FAT3: variants seen among roughly 807,000 people sequenced by gnomAD.
The protein encoded by FAT3 is FAT atypical cadherin 3, also known as protocadherin Fat 3.
In FAT3, 95 loss-of-function variants were observed where a neutral mutation model predicts 310.2. The observed-to-expected ratio is 0.31, with a 90% confidence interval of 0.26 to 0.36. The LOEUF is 0.36. FAT3 is among the 10% of genes least tolerant of loss of function. FAT3 has a pLI of 1.00. For synonymous variants in FAT3, 2,314 were observed against 2,192.9 expected (o/e 1.06, Z -1.54); for missense variants, 5,408 against 5,715.6 (o/e 0.95, Z 1.74).
chr11:92,756,248 T>C lies in FAT3; in HGVS notation c.3670-5608T>C, dbSNP rs550320226. ...CGTTTTTCTTGTACATACATACCTA[T>C]GACAAAGCTTAATTTATAAATTAGG... On this transcript the variant is annotated intron_variant, in intron 4 of 27. Transcript: ENST00000525166. Among the ~76,000 whole-genome samples, 10 of 152,338 alleles carry C rather than the reference T, an allele frequency of 6.6e-5. No homozygotes were observed. The East Asian group carries it at 1.9e-3, about 29-fold the overall frequency.
At chr11:92,615,310 G>A (rs951612141) in intron 3 of FAT3, among the ~76,000 whole-genome samples, 2 of 152,120 alleles carry the variant, frequency 1.3e-5, no homozygotes, top group African/African-American at 2.4e-5. Context: ...GCAGTGGCAC[G>A]ATCTTCGCTC....
chr11:92,808,455 G>T (rs1292529543), intron 12 of FAT3, among the ~76,000 whole-genome samples: 2 of 152,190 alleles, frequency 1.3e-5, no homozygotes, highest in African/African-American at 4.8e-5. Flanking sequence ...GCGCATCCAG[G>T]TAATGTCATA....
intron 3 of FAT3, among the ~76,000 whole-genome samples, chr11:92,578,052 T>C (rs951621894): frequency 6.6e-5 from 10 of 152,122 alleles, no homozygotes; most frequent in African/African-American, 2.4e-4. Flanking sequence ...AGTGTTCCTA[T>C]AGTATGCACA....
At chr11:92,739,079 C>A (rs1945432851) in intron 4 of FAT3, among the ~76,000 whole-genome samples, 1 of 152,086 alleles carries the variant, frequency 6.6e-6, no homozygotes, top group African/African-American at 2.4e-5. Context: ...CTTGGGCCAA[C>A]CTAGGGATCC....
rs758141755 is a variant in FAT3 at position 92,354,833 on chromosome 11, G to A, written c.2721G>A (p.Arg907=). Residue 907 remains arginine (R), a synonymous_variant, in exon 2 of 28, where the codon AGG becomes AGA. Coordinates refer to ENST00000525166, the MANE Select transcript of FAT3 (RefSeq NM_001367949.2). ...ATTATTCTTTGAAAATAGAAGCCAG[G>A]GACAAGGCAGAGAGTGGTCAGCAGC... is the stretch of plus-strand genomic sequence containing the variant. ...KANYSLKIEA[R]DKAESGQQLF... 3.1e-6 allele frequency: 5 copies of A among 1,613,684 alleles called. No homozygotes were observed. Among genetic ancestry groups the A allele is most frequent in the Non-Finnish European group, 4.2e-6 (5 of 1,179,844 alleles).
chr11:92,537,931 G>C (rs917232505), intron 3 of FAT3, among the ~76,000 whole-genome samples: 1 of 152,046 alleles, frequency 6.6e-6, no homozygotes, highest in Non-Finnish European at 1.5e-5. Context: ...GGGTAAGTGG[G>C]GGAGATATCA....
intron 4 of FAT3, among the ~76,000 whole-genome samples, chr11:92,708,390 A>G (rs979579695): frequency 3.3e-5 from 5 of 152,224 alleles, no homozygotes; most frequent in Non-Finnish European, 5.9e-5. Flanking sequence ...TTAATGCACA[A>G]GATATGGAGA....
At chr11:92,394,528 C>A (rs978529355) in intron 2 of FAT3, among the ~76,000 whole-genome samples, 28 of 152,120 alleles carry the variant, frequency 1.8e-4, no homozygotes, top group African/African-American at 6.8e-4. Flanking sequence ...TTTGGGGCAA[C>A]AAGCAAGAGG....
intron 3 of FAT3, among the ~76,000 whole-genome samples, chr11:92,548,780 AG>A (rs1188878319): frequency 6.6e-6 from 1 of 152,102 alleles, no homozygotes; most frequent in Non-Finnish European, 1.5e-5. Context: ...GAAGTGAGAG[AG>A]GGGGTATTTT....
rs1946532930 is a variant in FAT3, at chr11:92,774,165, T to C, written c.4320T>C (p.Asn1440=). The change falls in exon 7 of 28, where the codon AAT becomes AAC. Residue 1440 remains asparagine, a synonymous_variant. Coordinates refer to ENST00000525166, the MANE Select transcript of FAT3 (RefSeq NM_001367949.2). ...GTGTGGAAGTCACCGATGGGACAAA[T>C]GTTGCTGTTACTCAGGTGAGATGTT... The part of the protein sequence containing the change: ...NMSVEVTDGT[N]VAVTQVFIKV... 9.9e-6 allele frequency: 16 copies of C among 1,611,226 alleles called. No homozygotes were observed. Among genetic ancestry groups the C allele is most frequent in the Non-Finnish European group, 1.4e-5 (16 of 1,179,036 alleles).
At chr11:92,757,770 T>A (rs1348323780) in intron 4 of FAT3, among the ~76,000 whole-genome samples, 3 of 152,188 alleles carry the variant, frequency 2.0e-5, no homozygotes, top group African/African-American at 7.2e-5. Flanking sequence ...CAGAAAAGGA[T>A]GAAAAAGACA....
At chr11:92,375,285 C>T (rs1949309881) in intron 2 of FAT3, among the ~76,000 whole-genome samples, 1 of 151,926 alleles carries the variant, frequency 6.6e-6, no homozygotes, top group South Asian at 2.1e-4. Flanking sequence ...AGATGCATGC[C>T]ACCACCCTCA....
chr11:92,874,274 C>T (rs1949470483), intron 22 of FAT3, among the ~76,000 whole-genome samples: 1 of 152,158 alleles, frequency 6.6e-6, no homozygotes, highest in Admixed American at 6.5e-5. Context: ...TGTTTTATAA[C>T]AACATATGGT....
chr11:92,532,208 G>A (rs879908432), intron 3 of FAT3, among the ~76,000 whole-genome samples: 3 of 152,050 alleles, frequency 2.0e-5, no homozygotes, highest in Admixed American at 2.0e-4. Context: ...GAAATACCTA[G>A]AGGGAAGGAA....
intron 3 of FAT3, among the ~76,000 whole-genome samples, chr11:92,654,990 T>C (rs1024442428): frequency 6.6e-6 from 1 of 152,164 alleles, no homozygotes; most frequent in Admixed American, 6.5e-5. Context: ...CTCAAGGCAT[T>C]TGTAGCCCCA....
intron 1 of FAT3, among the ~76,000 whole-genome samples, chr11:92,316,070 T>C (rs1947453489): frequency 6.6e-6 from 1 of 152,034 alleles, no homozygotes; most frequent in South Asian, 2.1e-4. Flanking sequence ...CCAGTGATTA[T>C]ATGTTTTGGT....
At chr11:92,378,404 C>A (rs1949406696) in intron 2 of FAT3, among the ~76,000 whole-genome samples, 2 of 152,074 alleles carry the variant, frequency 1.3e-5, no homozygotes, top group South Asian at 4.1e-4. Context: ...GTCTTATAAG[C>A]CTATTATTGG....
At chr11:92,739,601 T>A (rs1379614180) in intron 4 of FAT3, among the ~76,000 whole-genome samples, 1 of 152,180 alleles carries the variant, frequency 6.6e-6, no homozygotes, top group Non-Finnish European at 1.5e-5. Flanking sequence ...GATATTAGAA[T>A]CCCTGACATA....
At chr11:92,373,767 C>T (rs1949261976) in intron 2 of FAT3, among the ~76,000 whole-genome samples, 1 of 63,484 alleles carries the variant, frequency 1.6e-5, no homozygotes, top group Non-Finnish European at 2.7e-5. Flanking sequence ...TATGCACACA[C>T]ACACACACAC....
Sources: allele counts gnomAD v4.1 joint callset (sites outside exome capture counted in the v4.1 genomes callset), GRCh38; gene constraint gnomAD v4.1.1; transcripts MANE v1.5; gene names NCBI Gene and HGNC (gene_info 2026-07-23, HGNC 2026-07-21).